Variants in TIPIN observed in about 807,000 individuals in gnomAD.
The protein encoded by TIPIN is TIMELESS interacting protein.
TIPIN carries 29 observed loss-of-function variants against 35.6 expected under a neutral mutation model. The ratio of observed to expected loss-of-function variants is 0.82; its 90% CI spans 0.61 to 1.11. The LOEUF is 1.11. Ranked by LOEUF, TIPIN falls within the 50% of genes most tolerant of loss-of-function variation. The pLI is 0.00. For synonymous variants in TIPIN, 102 were observed against 121.5 expected (o/e 0.84, Z 1.06); for missense variants, 296 against 345.4 (o/e 0.86, Z 1.13).
chr15:66,340,660 G>A (rs1322287671), intron 7 of TIPIN, among the ~76,000 whole-genome samples: 1 of 151,946 alleles, frequency 6.6e-6, no homozygotes, highest in South Asian at 2.1e-4. Context: ...GCAGTGGCAC[G>A]ATCTTGGCTC....
chr15:66,338,658 C>T (rs928813808), intron 7 of TIPIN, among the ~76,000 whole-genome samples: 14 of 150,896 alleles, frequency 9.3e-5, no homozygotes, highest in Non-Finnish European at 1.8e-4. Context: ...ACTAAAAATA[C>T]AAAAAATTAG....
chr15:66,373,208 T>A (rs2093283794), intron 1 of TIPIN, among the ~76,000 whole-genome samples: 1 of 151,744 alleles, frequency 6.6e-6, no homozygotes, highest in Non-Finnish European at 1.5e-5. Context: ...AAATACACAG[T>A]CATGGCCGGG....
intron 1 of TIPIN, among the ~76,000 whole-genome samples, chr15:66,375,179 T>C (rs1298836469): frequency 3.3e-5 from 5 of 152,068 alleles, no homozygotes; most frequent in African/African-American, 1.2e-4. Context: ...CTCAGGAGGC[T>C]GAGGTGAGAA....
chr15:66,352,697 G>C, intron 2 of TIPIN, 118 bp downstream of exon 2: 1 of 1,096,116 alleles, frequency 9.1e-7, no homozygotes, highest in South Asian at 2.2e-5. Context: ...TGGCCAGGCT[G>C]GTCTCAAATT....
chr15:66,355,027 CTTTTTTTTT>C (rs747834289), intron 1 of TIPIN, among the ~76,000 whole-genome samples: 2 of 112,718 alleles, frequency 1.8e-5, no homozygotes, highest in Non-Finnish European at 3.5e-5. Context: ...CAATATATAT[CTTTTTTTTT>C]TTTTTTTTTT....
At chr15:66,366,597 C>CCA (rs1555409984) in intron 1 of TIPIN, among the ~76,000 whole-genome samples, 1 of 92,244 alleles carries the variant, frequency 1.1e-5, no homozygotes, top group Non-Finnish European at 2.0e-5. Flanking sequence ...ACTAAATATA[C>CCA]AAAAAAAAAA....
intron 6 of TIPIN, among the ~76,000 whole-genome samples, chr15:66,346,462 C>G (rs528120817): frequency 6.6e-6 from 1 of 152,106 alleles, no homozygotes; most frequent in South Asian, 2.1e-4. Flanking sequence ...TTGTGAAGTT[C>G]TCCCTCTACC....
chr15:66,352,715 T>C (rs2093176322), intron 2 of TIPIN, 100 bp downstream of exon 2: 1 of 1,321,360 alleles, frequency 7.6e-7, no homozygotes, highest in Admixed American at 2.7e-5. Context: ...ATTCCTGACC[T>C]TGTGATCCGC....
At chr15:66,359,791 G>A (rs1390222954), upstream of TIPIN, among the ~76,000 whole-genome samples, 3 of 152,108 alleles carry the variant, frequency 2.0e-5, no homozygotes, top group African/African-American at 7.2e-5. Flanking sequence ...ACTCTGAGAA[G>A]TTAAAAAAAG....
At chr15:66,376,460 T>TCAAACA (rs1389352955) in intron 1 of TIPIN, among the ~76,000 whole-genome samples, 2 of 152,072 alleles carry the variant, frequency 1.3e-5, no homozygotes, top group Non-Finnish European at 2.9e-5. Flanking sequence ...GACGGGGTTT[T>TCAAACA]GCTCGTTTCC....
At chr15:66,375,522 T>TATATATAC (rs2093293457) in intron 1 of TIPIN, among the ~76,000 whole-genome samples, 1 of 146,526 alleles carries the variant, frequency 6.8e-6, no homozygotes, top group Non-Finnish European at 1.5e-5. Context: ...TATATATATA[T>TATATATAC]ATATATTTCA....
chr15:66,352,399 A>G (rs963875668), intron 2 of TIPIN, among the ~76,000 whole-genome samples, 192 bp from the exon 3 acceptor site: 2 of 152,130 alleles, frequency 1.3e-5, no homozygotes, highest in Non-Finnish European at 2.9e-5. Flanking sequence ...CCTAGGCTCA[A>G]GAGATTCTTC....
intron 1 of TIPIN, among the ~76,000 whole-genome samples, chr15:66,380,793 C>A (rs1176558299): frequency 6.6e-6 from 1 of 151,506 alleles, no homozygotes; most frequent in Non-Finnish European, 1.5e-5. Flanking sequence ...CCAGCCCAGG[C>A]GACAGAGCAA....
intron 1 of TIPIN, among the ~76,000 whole-genome samples, chr15:66,362,558 T>TAA (rs1337636771): frequency 1.3e-5 from 2 of 151,136 alleles, no homozygotes; most frequent in Non-Finnish European, 1.5e-5. Flanking sequence ...CCATCTCGAC[T>TAA]AAAAATACAA....
At chr15:66,372,729 T>C (rs370875154) in intron 1 of TIPIN, among the ~76,000 whole-genome samples, 7 of 152,078 alleles carry the variant, frequency 4.6e-5, no homozygotes, top group Admixed American at 2.0e-4. Flanking sequence ...CATGGTGAAC[T>C]CTGTCTCTAC....
chr15:66,370,180 G>A (rs989532821), intron 1 of TIPIN, among the ~76,000 whole-genome samples: 3 of 151,992 alleles, frequency 2.0e-5, no homozygotes, highest in African/African-American at 7.2e-5. Flanking sequence ...CTTTCACTGC[G>A]CTATCCAAGG....
intron 6 of TIPIN, among the ~76,000 whole-genome samples, chr15:66,346,878 A>G (rs2116602): frequency 0.99 from 149,985 of 151,980 alleles, 74,034 homozygotes; most frequent in South Asian, 1. Context: ...TGCAAGCTCC[A>G]CCTCCTAGGT....
At chr15:66,370,152 A>G (rs1026122431) in intron 1 of TIPIN, among the ~76,000 whole-genome samples, 4 of 152,146 alleles carry the variant, frequency 2.6e-5, no homozygotes, top group African/African-American at 9.7e-5. Flanking sequence ...GGAAGCTGGT[A>G]TGTCCTGAGT....
chr15:66,376,453 G>T (rs965806456), intron 1 of TIPIN, among the ~76,000 whole-genome samples: 2 of 151,120 alleles, frequency 1.3e-5, no homozygotes, highest in African/African-American at 4.9e-5. Context: ...TTTTTGAGAC[G>T]GGGTTTTGCT....
Sources: gnomAD v4.1 joint callset for allele counts (sites outside exome capture counted in the v4.1 genomes callset) on GRCh38, gnomAD v4.1.1 for gene constraint, MANE v1.5 for transcripts, NCBI Gene and HGNC (gene_info 2026-07-23, HGNC 2026-07-21) for gene names.